Variants in VPS37A observed in about 807,000 individuals in gnomAD.
The protein encoded by VPS37A is vacuolar protein sorting-associated protein 37A.
VPS37A carries 30 observed loss-of-function variants against 49.8 expected under a neutral mutation model. The ratio of observed to expected loss-of-function variants is 0.60; its 90% CI spans 0.45 to 0.82. The LOEUF (loss-of-function observed/expected upper bound fraction) is 0.82. VPS37A is among the 40% of genes least tolerant of loss of function. VPS37A has a pLI of 0.00. For missense variants in VPS37A, 593 were observed against 464.4 expected (o/e 1.28, Z -2.55); for synonymous variants, 195 against 160.6 (o/e 1.21, Z -1.62).
chr8:17,285,594 C>G (rs1815515227), intron 10 of VPS37A, among the ~76,000 whole-genome samples: 1 of 152,186 alleles, frequency 6.6e-6, no homozygotes, highest in Non-Finnish European at 1.5e-5. Context: ...CACACATACA[C>G]ACACTCCTGT....
chr8:17,271,134 G>C (rs372006474), intron 4 of VPS37A, among the ~76,000 whole-genome samples: 4 of 152,180 alleles, frequency 2.6e-5, no homozygotes, highest in South Asian at 4.1e-4. Context: ...AGTAATTTTC[G>C]TTTCTTGGTT....
At chr8:17,252,149 G>C (rs1467035524) in intron 1 of VPS37A, among the ~76,000 whole-genome samples, 2 of 152,082 alleles carry the variant, frequency 1.3e-5, no homozygotes, top group Admixed American at 1.3e-4. Context: ...TGCAATTTTT[G>C]TATTAAAATT....
At chr8:17,299,058 C>T (rs778468952), downstream of VPS37A, 1 of 152,186 alleles carries the variant, frequency 6.6e-6, no homozygotes, top group Non-Finnish European at 1.5e-5. Flanking sequence ...CTGGCCCACA[C>T]TGTCGGTAGT....
downstream of VPS37A, chr8:17,299,943 A>G: frequency 6.2e-7 from 1 of 1,614,134 alleles, no homozygotes; most frequent in Non-Finnish European, 8.5e-7. Flanking sequence ...CACCACTTGG[A>G]GACCGACAGC....
the VPS37A span, among the ~76,000 whole-genome samples, chr8:17,327,395 T>G: frequency 6.6e-6 from 1 of 152,118 alleles, no homozygotes; most frequent in South Asian, 2.1e-4. Flanking sequence ...ATCAGCTTCC[T>G]GAGCAGCTGG....
At chr8:17,312,801 A>G in the VPS37A span, among the ~76,000 whole-genome samples, 1 of 152,126 alleles carries the variant, frequency 6.6e-6, no homozygotes, top group Non-Finnish European at 1.5e-5. Flanking sequence ...CAAGGTATTT[A>G]TTTCTTTAAA....
intron 2 of VPS37A, 27 bp from the exon 3 acceptor site, chr8:17,268,231 G>C (rs755433672): frequency 1.3e-6 from 2 of 1,503,860 alleles, no homozygotes; most frequent in African/African-American, 2.8e-5. Flanking sequence ...CTTTGTTTTT[G>C]TTTTTCATCT....
chr8:17,269,808 T>C (rs764213149), intron 4 of VPS37A, among the ~76,000 whole-genome samples: 3 of 152,210 alleles, frequency 2.0e-5, no homozygotes, highest in Non-Finnish European at 4.4e-5. Context: ...AGTAGCTTCC[T>C]GAATAAAGTC....
chr8:17,325,558 C>G, the VPS37A span, among the ~76,000 whole-genome samples: 1 of 152,216 alleles, frequency 6.6e-6, no homozygotes, highest in Non-Finnish European at 1.5e-5. Context: ...CAGTCCCTGA[C>G]CGTACGATCG....
intron 4 of VPS37A, among the ~76,000 whole-genome samples, chr8:17,274,092 A>G (rs1051223744): frequency 6.6e-6 from 1 of 152,182 alleles, no homozygotes; most frequent in Non-Finnish European, 1.5e-5. Flanking sequence ...AAATTTGCTA[A>G]GGGGAAAAAA....
chr8:17,252,974 A>G (rs1291986152), intron 1 of VPS37A, among the ~76,000 whole-genome samples: 1 of 152,208 alleles, frequency 6.6e-6, no homozygotes, highest in Non-Finnish European at 1.5e-5. Context: ...GACACATTAA[A>G]TTATATTGTC....
At chr8:17,315,476 A>G in the VPS37A span, among the ~76,000 whole-genome samples, 20 of 152,144 alleles carry the variant, frequency 1.3e-4, no homozygotes, top group African/African-American at 4.6e-4. Context: ...TTTGAGTGAT[A>G]CCGATGTGCC....
intron 11 of VPS37A, among the ~76,000 whole-genome samples, chr8:17,294,691 C>T (rs1363425686): frequency 6.6e-6 from 1 of 152,184 alleles, no homozygotes; most frequent in Non-Finnish European, 1.5e-5. Context: ...AGGTAGTTCC[C>T]TAACCCCTTG....
chr8:17,258,092 C>T (rs113048555), intron 1 of VPS37A, among the ~76,000 whole-genome samples: 151 of 152,138 alleles, frequency 9.9e-4, no homozygotes, highest in African/African-American at 3.4e-3. Flanking sequence ...GTGTCATCCG[C>T]GAACAAGGCT....
intron 1 of VPS37A, among the ~76,000 whole-genome samples, chr8:17,258,701 C>T (rs962006109): frequency 7.2e-5 from 11 of 151,974 alleles, no homozygotes; most frequent in Non-Finnish European, 1.3e-4. Context: ...GTTATTAGTT[C>T]TTTAAGTGTT....
chr8:17,269,411 T>A (rs1190213460), intron 4 of VPS37A, among the ~76,000 whole-genome samples: 1 of 152,226 alleles, frequency 6.6e-6, no homozygotes, highest in Non-Finnish European at 1.5e-5. Flanking sequence ...GCCTTTTTTC[T>A]GGAATTAATA....
At chr8:17,274,527 C>T (rs898300736) in intron 4 of VPS37A, among the ~76,000 whole-genome samples, 4 of 150,568 alleles carry the variant, frequency 2.7e-5, no homozygotes, top group African/African-American at 4.9e-5. Context: ...CACAATTCTA[C>T]AATTCTTTTT....
rs761965804 is a variant in VPS37A, at chr8:17,284,573, T to C, written c.1070T>C (p.Met357Thr). The C allele has an allele frequency of 1.8e-5, 29 of 1,600,718 alleles. No homozygotes were observed. Among genetic ancestry groups the C allele is most frequent in the Non-Finnish European group, 2.4e-5 (28 of 1,175,582 alleles). ...GCAGAAGACTTCTTGGAGGGAAAGA[T>C]GGAAATAGATGATTTTCTCAGTAGC... ...NIAEDFLEGKMEIDDFLSSFM... is the reference protein window; with the variant it reads ...NIAEDFLEGKTEIDDFLSSFM... The change falls in exon 10 of 12, where the codon ATG (methionine) becomes ACG (threonine). Residue 357 changes from methionine to threonine, a missense_variant. Met to Thr is a moderately conservative substitution (Grantham distance 81, BLOSUM62 -1). Coordinates refer to ENST00000324849, the MANE Select transcript of VPS37A (RefSeq NM_152415.3).
chr8:17,303,755 G>C (rs768528941), downstream of VPS37A, among the ~76,000 whole-genome samples: 3 of 151,930 alleles, frequency 2.0e-5, no homozygotes, highest in African/African-American at 7.3e-5. Context: ...GATTACAGGC[G>C]CTCACCACCA....
Sources: allele counts gnomAD v4.1 joint callset (sites outside exome capture counted in the v4.1 genomes callset), GRCh38; gene constraint gnomAD v4.1.1; transcripts MANE v1.5; gene names NCBI Gene and HGNC (gene_info 2026-07-23, HGNC 2026-07-21).